The following L3MBTL4 variants were observed in gnomAD, a reference collection of about 807,000 sequenced individuals.
The protein encoded by L3MBTL4 is lethal(3)malignant brain tumor-like protein 4.
In L3MBTL4, 70 loss-of-function variants were observed where a neutral mutation model predicts 84.5. That is an observed-to-expected ratio of 0.83 (90% confidence interval 0.68 to 1.01). The LOEUF (loss-of-function observed/expected upper bound fraction) is 1.01. Among genes scored for constraint, L3MBTL4 ranks in the 50% least tolerant of loss-of-function variants. The probability of loss-of-function intolerance (pLI) is 0.00; values close to 1 mark genes in which losing one functional copy is unlikely to be tolerated. For missense variants in L3MBTL4, 715 were observed against 754.8 expected, an observed-to-expected ratio of 0.95 and a Z score of 0.62; for synonymous variants, 274 against 259.8, an observed-to-expected ratio of 1.05 and a Z score of -0.52.
intron 16 of L3MBTL4, among the ~76,000 whole-genome samples, chr18:6,043,374 T>G (rs776095853): frequency 6.6e-6 from 1 of 152,184 alleles, no homozygotes; most frequent in Non-Finnish European, 1.5e-5. Flanking sequence ...ACAGGCAGTA[T>G]TCCAGGCCTG....
chr18:5,980,785 C>T (rs774552827), intron 16 of L3MBTL4, among the ~76,000 whole-genome samples: 1 of 152,146 alleles, frequency 6.6e-6, no homozygotes, highest in South Asian at 2.1e-4. Flanking sequence ...AGAAGTAGCT[C>T]ATGGGCTATT....
At chr18:5,988,011 C>T (rs1191857999) in intron 16 of L3MBTL4, among the ~76,000 whole-genome samples, 1 of 152,102 alleles carries the variant, frequency 6.6e-6, no homozygotes, top group Non-Finnish European at 1.5e-5. Context: ...AATATTAAAA[C>T]ACTGTAAGTT....
intron 17 of L3MBTL4, among the ~76,000 whole-genome samples, chr18:5,967,478 CTGA>C (rs1356478095): frequency 1.3e-5 from 2 of 152,262 alleles, no homozygotes; most frequent in Non-Finnish European, 1.5e-5. Flanking sequence ...TCCCCATCAA[CTGA>C]AATGGCTTCC....
intron 1 of L3MBTL4, among the ~76,000 whole-genome samples, chr18:6,322,884 C>T (rs1057186676): frequency 1.3e-5 from 2 of 152,108 alleles, no homozygotes; most frequent in Admixed American, 6.5e-5. Context: ...GCCCAAATCT[C>T]ATGTTGAATT....
intron 12 of L3MBTL4, among the ~76,000 whole-genome samples, chr18:6,186,162 A>T (rs571980541): frequency 3.3e-5 from 5 of 152,026 alleles, no homozygotes; most frequent in African/African-American, 1.2e-4. Flanking sequence ...ACAGGTGCCC[A>T]CCACCATGCC....
chr18:6,218,731 G>T (rs539855796), intron 10 of L3MBTL4, among the ~76,000 whole-genome samples: 1 of 152,272 alleles, frequency 6.6e-6, no homozygotes, highest in East Asian at 1.9e-4. Flanking sequence ...TGAACCCAAA[G>T]AGAGAAGAAT....
intron 16 of L3MBTL4, chr18:6,030,645 C>G (rs1276635706): frequency 9.1e-6 from 8 of 878,802 alleles, no homozygotes; most frequent in Non-Finnish European, 1.1e-5. Flanking sequence ...ATTACAGGTG[C>G]CTGCCACCAC....
chr18:6,361,575 G>A (rs1185242993), intron 1 of L3MBTL4, among the ~76,000 whole-genome samples: 1 of 152,112 alleles, frequency 6.6e-6, no homozygotes, highest in Non-Finnish European at 1.5e-5. Flanking sequence ...CACACAGGCT[G>A]GAAATTGTTG....
intron 15 of L3MBTL4, among the ~76,000 whole-genome samples, chr18:6,084,295 C>G (rs1237956654): frequency 6.6e-6 from 1 of 152,164 alleles, no homozygotes; most frequent in African/African-American, 2.4e-5. Context: ...CTGTCTAGGG[C>G]TGCTTTCACT....
chr18:6,151,152 G>A (rs1017227304), intron 13 of L3MBTL4, among the ~76,000 whole-genome samples: 4 of 152,168 alleles, frequency 2.6e-5, no homozygotes, highest in African/African-American at 9.7e-5. Context: ...GAATTCCAGT[G>A]GCAAGCTTGT....
chr18:6,020,646 G>A (rs2055205613), intron 16 of L3MBTL4, among the ~76,000 whole-genome samples: 1 of 152,220 alleles, frequency 6.6e-6, no homozygotes, highest in African/African-American at 2.4e-5. Context: ...AAAGCAGAGA[G>A]GGAGAGAAGA....
intron 1 of L3MBTL4, among the ~76,000 whole-genome samples, chr18:6,313,527 T>G (rs1186696851): frequency 1.3e-5 from 2 of 152,250 alleles, no homozygotes; most frequent in East Asian, 3.8e-4. Flanking sequence ...TTTTGTAGAA[T>G]GTAAATACAA....
At chr18:6,178,108 AT>A (rs1163800515) in intron 12 of L3MBTL4, among the ~76,000 whole-genome samples, 1 of 152,156 alleles carries the variant, frequency 6.6e-6, no homozygotes, top group Non-Finnish European at 1.5e-5. Context: ...GAAAAAAAAA[AT>A]CTTTTTCAAT....
At chr18:6,221,482 A>G (rs2046551204) in intron 10 of L3MBTL4, among the ~76,000 whole-genome samples, 1 of 152,226 alleles carries the variant, frequency 6.6e-6, no homozygotes, top group Admixed American at 6.5e-5. Flanking sequence ...CACTTCATCA[A>G]ACTCAATTCT....
chr18:6,022,787 A>G (rs2055328958), intron 16 of L3MBTL4, among the ~76,000 whole-genome samples: 1 of 152,186 alleles, frequency 6.6e-6, no homozygotes, highest in Non-Finnish European at 1.5e-5. Context: ...GCATTTCAAA[A>G]TGTTTTCTCT....
intron 5 of L3MBTL4, among the ~76,000 whole-genome samples, chr18:6,254,438 CATCT>C (rs1440058209): frequency 1.7e-5 from 2 of 118,120 alleles, no homozygotes; most frequent in African/African-American, 7.3e-5. Context: ...TTTTTTTTGC[CATCT>C]ATTTGTTTGG....
intron 16 of L3MBTL4, among the ~76,000 whole-genome samples, chr18:6,001,207 G>T (rs1471919464): frequency 1.3e-5 from 2 of 152,244 alleles, no homozygotes; most frequent in Non-Finnish European, 2.9e-5. Context: ...GGCCTTTATA[G>T]CAATCCCCAT....
Position 5,955,285 on chromosome 18 carries a change from A to T in L3MBTL4, c.*935T>A, listed in dbSNP as rs1178358279. Reference sequence around the variant, plus strand: ...CCTACTTTAGAGATCTTCCCTTTGAATAGTGTGTCTCCATTTGTAAAGATG... The same window carrying T: ...CCTACTTTAGAGATCTTCCCTTTGATTAGTGTGTCTCCATTTGTAAAGATG... On this transcript the variant is annotated 3_prime_UTR_variant, in exon 19 of 19. Transcript: ENST00000317931. 2 of 152,276 alleles carry T rather than the reference A, an allele frequency of 1.3e-5. No homozygotes were observed. Among genetic ancestry groups the T allele is most frequent in the African/African-American group, 4.8e-5 (2 of 41,476 alleles). 9.4% of individuals were successfully genotyped at this position (152,276 alleles called of 1,614,324 possible).
intron 10 of L3MBTL4, among the ~76,000 whole-genome samples, chr18:6,234,663 A>T (rs1357018625): frequency 6.6e-6 from 1 of 152,172 alleles, no homozygotes; most frequent in Non-Finnish European, 1.5e-5. Context: ...AAAGTCAGGA[A>T]ACATCAAGTG....
Sources: gnomAD v4.1 joint callset for allele counts (sites outside exome capture counted in the v4.1 genomes callset) on GRCh38, gnomAD v4.1.1 for gene constraint, MANE v1.5 for transcripts, NCBI Gene and HGNC (gene_info 2026-07-23, HGNC 2026-07-21) for gene names.